Variants in DLGAP2 observed in about 807,000 individuals in gnomAD.
DLGAP2 encodes DLG associated protein 2, also known as disks large-associated protein 2.
DLGAP2 carries 26 observed loss-of-function variants against 100.3 expected under a neutral mutation model. The ratio of observed to expected loss-of-function variants is 0.26; its 90% confidence interval spans 0.19 to 0.36. DLGAP2 has a LOEUF of 0.36. Among genes scored for constraint, DLGAP2 ranks in the 10% least tolerant of loss-of-function variants. DLGAP2 has a pLI of 1.00. For synonymous variants in DLGAP2, 886 were observed against 630.1 expected (o/e 1.41, Z -6.08); for missense variants, 1,858 against 1,453.2 (o/e 1.28, Z -4.53).
At chr8:1,329,044 G>A (rs1322086645) in intron 3 of DLGAP2, among the ~76,000 whole-genome samples, 2 of 152,342 alleles carry the variant, frequency 1.3e-5, no homozygotes. Context: ...TGCTGCTCTC[G>A]TGATGACTTG....
rs926035818 is a variant in DLGAP2 at position 1,261,165 on chromosome 8, A to G, written c.106+2282A>G. 2.0e-5 allele frequency among the ~76,000 whole-genome samples: 3 copies of G among 151,998 alleles called. No homozygotes were observed. In the East Asian group the frequency reaches 5.8e-4, roughly 29 times the overall value. On this transcript the variant is annotated intron_variant, in intron 3 of 14. Transcript: ENST00000637795. ...AGGGCAGGTCAGCTTCCAGATCTTT[A>G]AAACCAGACAGACTGGGAGGGCAGG... is the stretch of plus-strand genomic sequence containing the variant.
chr8:1,389,950 C>T (rs1796310677), intron 3 of DLGAP2, among the ~76,000 whole-genome samples: 1 of 152,128 alleles, frequency 6.6e-6, no homozygotes, highest in African/African-American at 2.4e-5. Context: ...CCGGCACAGA[C>T]AGCTCTCCCT....
At chr8:1,079,432 T>C (rs1311361811) in intron 2 of DLGAP2, among the ~76,000 whole-genome samples, 1 of 152,218 alleles carries the variant, frequency 6.6e-6, no homozygotes, top group African/African-American at 2.4e-5. Context: ...GTTTAAACTA[T>C]TTTTCAAAAA....
chr8:1,093,785 C>G (rs73182603), intron 2 of DLGAP2, among the ~76,000 whole-genome samples: 15,572 of 152,322 alleles, frequency 0.1, 1,086 homozygotes, highest in East Asian at 0.3. Context: ...CAGGTGAATA[C>G]ACGACATCAG....
chr8:1,491,356 C>CTCCCCCTGACCCCAGAGGCTTCGGGCCGA (rs1799380776), intron 3 of DLGAP2, among the ~76,000 whole-genome samples: 2 of 152,148 alleles, frequency 1.3e-5, no homozygotes, highest in East Asian at 1.9e-4. Flanking sequence ...CTTCGGGCCG[C>CTCCCCCTGACCCCAGAGGCTTCGGGCCGA]TCCCCCTGAC....
In DLGAP2 at chr8:1,169,384, T is replaced by C. The variant is rs532389446; in HGVS notation, c.74-89467T>C. ...ATGCGGGCTCTTTCTTGGTTCCATATGAACTTTAAAGTAGTTTTTTCCAAT... is the reference window on the plus strand; with the variant it reads ...ATGCGGGCTCTTTCTTGGTTCCATACGAACTTTAAAGTAGTTTTTTCCAAT... On this transcript the variant is annotated intron_variant, in intron 2 of 14. Coordinates refer to ENST00000637795, the MANE Select transcript of DLGAP2 (RefSeq NM_001346810.2). Among the ~76,000 whole-genome samples, 805 of 152,316 alleles carry C rather than the reference T, an allele frequency of 5.3e-3. 9 individuals are homozygous for C. Among genetic ancestry groups the C allele is most frequent in the African/African-American group, 0.018 (766 of 41,562 alleles).
intron 6 of DLGAP2, among the ~76,000 whole-genome samples, chr8:1,609,889 A>C (rs1283907495): frequency 2.0e-5 from 3 of 150,078 alleles, no homozygotes; most frequent in African/African-American, 7.4e-5. Flanking sequence ...TTCATAAAGC[A>C]AGTCCTGAGT....
intron 3 of DLGAP2, among the ~76,000 whole-genome samples, chr8:1,435,393 C>T (rs890674583): frequency 5.3e-5 from 8 of 152,148 alleles, no homozygotes; most frequent in South Asian, 2.1e-4. Flanking sequence ...GCAGGTGCAG[C>T]GGTGGCCCTG....
intron 13 of DLGAP2, among the ~76,000 whole-genome samples, chr8:1,694,783 C>A (rs545006621): frequency 6.6e-6 from 1 of 152,074 alleles, no homozygotes; most frequent in African/African-American, 2.4e-5. Context: ...ATTTAAAAGA[C>A]GGCAATTTCA....
intron 10 of DLGAP2, among the ~76,000 whole-genome samples, chr8:1,674,968 A>G (rs138176349): frequency 6.0e-4 from 92 of 152,362 alleles, no homozygotes; most frequent in African/African-American, 2.1e-3. Flanking sequence ...AAGGTTTAAT[A>G]AAGTCGTGAC....
chr8:1,309,982 C>T (rs1188862919), intron 3 of DLGAP2, among the ~76,000 whole-genome samples: 3 of 149,410 alleles, frequency 2.0e-5, no homozygotes, highest in Admixed American at 6.7e-5. Flanking sequence ...GTAATCCCAG[C>T]TACTTGGGAG....
At chr8:1,210,731 G>A (rs143305539) in intron 2 of DLGAP2, among the ~76,000 whole-genome samples, 13 of 144,070 alleles carry the variant, frequency 9.0e-5, no homozygotes, top group Middle Eastern at 3.6e-3. Flanking sequence ...CCCCACCCCC[G>A]GCCCTGGTTC....
chr8:1,348,838 C>G (rs1801635445), intron 3 of DLGAP2, among the ~76,000 whole-genome samples: 2 of 152,256 alleles, frequency 1.3e-5, no homozygotes, highest in South Asian at 4.1e-4. Flanking sequence ...CAGTCCCCAC[C>G]TCACGTTGGC....
intron 3 of DLGAP2, among the ~76,000 whole-genome samples, chr8:1,328,705 C>G (rs940896748): frequency 2.0e-5 from 3 of 152,136 alleles, no homozygotes; most frequent in Admixed American, 6.6e-5. Context: ...TTTTTAAAAA[C>G]TCGTAGTAAA....
At chr8:849,713 C>T (rs1446711710) in intron 1 of DLGAP2, among the ~76,000 whole-genome samples, 2 of 152,254 alleles carry the variant, frequency 1.3e-5, no homozygotes, top group African/African-American at 4.8e-5. Flanking sequence ...GACATAGGAA[C>T]TTTTATCATG....
chr8:1,665,698 G>A (rs1798526395), intron 8 of DLGAP2, among the ~76,000 whole-genome samples: 1 of 152,224 alleles, frequency 6.6e-6, no homozygotes. Flanking sequence ...AGAGGTCATT[G>A]AGAGCCCCCG....
intron 2 of DLGAP2, among the ~76,000 whole-genome samples, chr8:1,229,099 C>T (rs1252780361): frequency 2.0e-5 from 3 of 151,972 alleles, no homozygotes; most frequent in Admixed American, 6.5e-5. Flanking sequence ...AATCAGCATA[C>T]GAAACTCAAT....
chr8:1,450,367 T>A lies in DLGAP2; in HGVS notation c.107-50999T>A, dbSNP rs4439156. Among the ~76,000 whole-genome samples the A allele has an allele frequency of 1.3e-3, 28 of 21,690 alleles. 1 individual carries two copies. Among genetic ancestry groups the A allele is most frequent in the African/African-American group, 2.8e-3 (18 of 6,398 alleles). 14.2% of individuals were successfully genotyped at this position (21,690 alleles called of 152,430 possible). A position where few individuals can be genotyped will look rare whatever the true frequency, so the allele number is the denominator to read the frequency against. ...GGTGGGCGACCTCGGTGGCTGAGGC[T>A]GAGCTGTGAGGGTGAAGATGAGGTG... On this transcript the variant is annotated intron_variant, in intron 3 of 14. Transcript: ENST00000637795.
intron 2 of DLGAP2, among the ~76,000 whole-genome samples, chr8:1,203,642 A>G (rs1797930035): frequency 6.6e-6 from 1 of 152,200 alleles, no homozygotes; most frequent in South Asian, 2.1e-4. Flanking sequence ...AGATGTCTTT[A>G]TATCAAGGAA....
Sources: gnomAD v4.1 joint callset for allele counts (sites outside exome capture counted in the v4.1 genomes callset) on GRCh38, gnomAD v4.1.1 for gene constraint, MANE v1.5 for transcripts, NCBI Gene and HGNC (gene_info 2026-07-23, HGNC 2026-07-21) for gene names.